Variants in PRKCB observed in about 807,000 individuals in gnomAD.
PRKCB encodes protein kinase C beta.
In PRKCB, 13 loss-of-function variants were observed where a neutral mutation model predicts 81.5. The ratio of observed to expected loss-of-function variants is 0.16; its 90% CI spans 0.10 to 0.25. The LOEUF (loss-of-function observed/expected upper bound fraction) is 0.25. Among genes scored for constraint, PRKCB ranks in the 10% least tolerant of loss-of-function variants. The pLI is 1.00. For synonymous variants in PRKCB, 335 were observed against 321.4 expected (o/e 1.04, Z -0.45); for missense variants, 509 against 875.7 (o/e 0.58, Z 5.29).
Position 24,219,894 on chromosome 16 carries a change from C to T in PRKCB, c.*5078C>T, listed in dbSNP as rs995826601. On this transcript the variant is annotated 3_prime_UTR_variant, in exon 17 of 17. Coordinates refer to ENST00000643927, the MANE Select transcript of PRKCB (RefSeq NM_002738.7). ...TGAGATGGTATCAGCCACCCAATGA[C>T]TGGCGTATCTTGGTCCTGTGTCTTT... 4.6e-5 allele frequency: 72 copies of T among 1,557,192 alleles called. No individual in the cohort carries two copies. In the Middle Eastern group the frequency reaches 1.0e-3, roughly 22 times the overall value.
chr16:23,930,168 A>C (rs1489307900), intron 2 of PRKCB, among the ~76,000 whole-genome samples: 2 of 152,244 alleles, frequency 1.3e-5, no homozygotes, highest in Non-Finnish European at 2.9e-5. Context: ...TCAGGATTGG[A>C]GGCAGATGTT....
chr16:23,871,810 T>C (rs1962909539), intron 2 of PRKCB, among the ~76,000 whole-genome samples: 1 of 151,582 alleles, frequency 6.6e-6, no homozygotes, highest in African/African-American at 2.4e-5. Flanking sequence ...ACTCCTGACC[T>C]CAGGCAATCT....
At chr16:23,838,162 A>T (rs1962202520) in intron 2 of PRKCB, among the ~76,000 whole-genome samples, 1 of 152,152 alleles carries the variant, frequency 6.6e-6, no homozygotes, top group Non-Finnish European at 1.5e-5. Flanking sequence ...ACCAAAAGTT[A>T]CCCGCAGCTC....
rs143706888 is a variant in PRKCB at position 24,009,669 on chromosome 16, A to C, written c.288+21079A>C. ...CCTTGTACACTGTTGGCAGGAATAC[A>C]AAATGTTGCAGATACTATGGAAAAC... On this transcript the variant is annotated intron_variant, in intron 3 of 16. Transcript: ENST00000643927. Among the ~76,000 whole-genome samples the C allele has an allele frequency of 6.9e-4, 105 of 152,144 alleles. 3 individuals are homozygous for C. In the East Asian group the frequency reaches 0.018, roughly 27 times the overall value.
At chr16:24,179,625 A>G (rs767731978) in intron 12 of PRKCB, among the ~76,000 whole-genome samples, 15 of 152,196 alleles carry the variant, frequency 9.9e-5, no homozygotes, top group Non-Finnish European at 1.9e-4. Context: ...CAAAATATCA[A>G]GCTCTTCTCA....
intron 2 of PRKCB, among the ~76,000 whole-genome samples, chr16:23,878,157 AGTTAT>A (rs1010878202): frequency 3.3e-5 from 5 of 152,124 alleles, no homozygotes; most frequent in African/African-American, 1.2e-4. Flanking sequence ...CATTCACAGT[AGTTAT>A]GTTCTGTAAA....
At chr16:23,996,672 A>G (rs1387718226) in intron 3 of PRKCB, among the ~76,000 whole-genome samples, 1 of 152,188 alleles carries the variant, frequency 6.6e-6, no homozygotes, top group Non-Finnish European at 1.5e-5. Flanking sequence ...ATGAAATTCC[A>G]CACAGCATTG....
chr16:24,128,223 A>G (rs546213348), intron 9 of PRKCB, among the ~76,000 whole-genome samples: 2 of 152,304 alleles, frequency 1.3e-5, no homozygotes, highest in South Asian at 4.1e-4. Context: ...AAAAATACAA[A>G]AATTAGCCGG....
chr16:23,842,201 G>A (rs1345603888), intron 2 of PRKCB, among the ~76,000 whole-genome samples: 2 of 152,114 alleles, frequency 1.3e-5, no homozygotes, highest in South Asian at 2.1e-4. Context: ...CTCTGATGGA[G>A]CCGCTTACTC....
At position 24,218,939 on chromosome 16, in the gene PRKCB, C is replaced by A. The variant is rs1458994176; in HGVS notation, c.*4123C>A. 2 of 985,368 alleles carry A rather than the reference C, an allele frequency of 2.0e-6. No individual in the cohort carries two copies. The highest frequency in any genetic ancestry group is 1.7e-5 in the African/African-American group (1 of 57,216). The allele number at this position is 985,368 out of a possible 1,614,324, so 61.0% of individuals were successfully genotyped here. A position where few individuals can be genotyped will look rare whatever the true frequency, so the allele number is the denominator to read the frequency against. ...GTAAAAATCAGGAACCCACTGAAAT[C>A]TTGGGCAAGCCACCCTGCCTGCTTG... is the stretch of plus-strand genomic sequence containing the variant. On this transcript the variant is annotated 3_prime_UTR_variant, in exon 17 of 17. Coordinates refer to ENST00000643927, the MANE Select transcript of PRKCB (RefSeq NM_002738.7).
intron 5 of PRKCB, among the ~76,000 whole-genome samples, chr16:24,088,677 C>G (rs201084475): frequency 6.9e-6 from 1 of 145,512 alleles, no homozygotes; most frequent in Non-Finnish European, 1.5e-5. Flanking sequence ...TGCAGTGAGC[C>G]GTGATCGCGC....
intron 5 of PRKCB, among the ~76,000 whole-genome samples, chr16:24,092,478 A>T (rs1966387769): frequency 6.6e-6 from 1 of 152,258 alleles, no homozygotes; most frequent in Non-Finnish European, 1.5e-5. Flanking sequence ...TGAAAACGTT[A>T]TGCTAAATGA....
intron 10 of PRKCB, among the ~76,000 whole-genome samples, chr16:24,157,138 G>A (rs150066579): frequency 1.6e-4 from 25 of 152,146 alleles, no homozygotes; most frequent in African/African-American, 5.8e-4. Flanking sequence ...AGTAGGGGCT[G>A]GGTGTACATG....
chr16:23,917,732 G>A (rs1331528864), intron 2 of PRKCB, among the ~76,000 whole-genome samples: 1 of 152,204 alleles, frequency 6.6e-6, no homozygotes, highest in African/African-American at 2.4e-5. Context: ...TTTCTACTTG[G>A]TTGAGGAAAG....
chr16:24,006,410 A>G (rs1026814769), intron 3 of PRKCB, among the ~76,000 whole-genome samples: 1 of 152,238 alleles, frequency 6.6e-6, no homozygotes. Flanking sequence ...TGGTTGCTAC[A>G]TAATAATATT....
intron 9 of PRKCB, among the ~76,000 whole-genome samples, chr16:24,147,479 T>C (rs1463714053): frequency 6.6e-6 from 1 of 152,074 alleles, no homozygotes; most frequent in Non-Finnish European, 1.5e-5. Flanking sequence ...AGAACTGGAA[T>C]CGTGACTGCA....
intron 2 of PRKCB, among the ~76,000 whole-genome samples, chr16:23,899,991 G>A (rs1242999869): frequency 1.3e-5 from 2 of 152,102 alleles, no homozygotes; most frequent in Non-Finnish European, 2.9e-5. Flanking sequence ...AAGGAAATAA[G>A]GAAGACACAG....
chr16:24,196,973 A>G (rs532266806), intron 16 of PRKCB, among the ~76,000 whole-genome samples: 1 of 152,332 alleles, frequency 6.6e-6, no homozygotes, highest in East Asian at 1.9e-4. Context: ...ACTAAAGGGC[A>G]GACTCTGTCG....
chr16:24,150,787 T>C (rs1252962989), intron 9 of PRKCB, among the ~76,000 whole-genome samples: 3 of 152,204 alleles, frequency 2.0e-5, no homozygotes, highest in Non-Finnish European at 2.9e-5. Context: ...CCTATAATAT[T>C]TCCTGTTTGG....
Sources: gnomAD v4.1 joint callset for allele counts (sites outside exome capture counted in the v4.1 genomes callset) on GRCh38, gnomAD v4.1.1 for gene constraint, MANE v1.5 for transcripts, NCBI Gene and HGNC (gene_info 2026-07-23, HGNC 2026-07-21) for gene names.